The following TPRKB variants were observed in gnomAD, a reference collection of about 807,000 sequenced individuals.
TPRKB encodes EKC/KEOPS complex subunit TPRKB.
A neutral mutation model predicts 17.8 loss-of-function variants in TPRKB; 11 were observed. The observed-to-expected ratio is 0.62, with a 90% CI of 0.39 to 1.02. The LOEUF (loss-of-function observed/expected upper bound fraction) is 1.02, where lower values mean the gene tolerates loss of function less well. TPRKB is among the 50% of genes least tolerant of loss of function. The pLI, the probability that TPRKB is intolerant of heterozygous loss-of-function variation, is 0.00. For missense variants in TPRKB, 228 were observed against 198.0 expected (o/e 1.15, Z -0.91); for synonymous variants, 71 against 69.5 (o/e 1.02, Z -0.11).
chr2:73,730,566 G>T lies in TPRKB; in HGVS notation c.435C>A (p.Val145=). 2 of 1,578,244 alleles carry T rather than the reference G, an allele frequency of 1.3e-6. No homozygotes were observed. Among genetic ancestry groups the T allele is most frequent in the South Asian group, 2.4e-5 (2 of 83,750 alleles). The part of the protein sequence containing the change: ...NLPEIMNITE[V]KKIYKLSSQE... ...AAAATATGGACTGGCAAACCTTTTT[G>T]ACTTCTGTAATATTCATTATTTCAG... Residue 145 remains valine (V), a synonymous_variant, in exon 4 of 5, where the codon GTC becomes GTA. Transcript: ENST00000272424.
intron 2 of TPRKB, among the ~76,000 whole-genome samples, chr2:73,733,955 C>T (rs780163980): frequency 6.6e-6 from 1 of 150,656 alleles, no homozygotes; most frequent in Non-Finnish European, 1.5e-5. Flanking sequence ...GTACAGGTGC[C>T]CACCACCATG....
chr2:73,734,722 G>T, intron 1 of TPRKB, 131 bp from the exon 2 acceptor site: 2 of 806,962 alleles, frequency 2.5e-6, no homozygotes, highest in Non-Finnish European at 3.7e-6. Context: ...CATCGCCAAA[G>T]CCCATTTGGC....
intron 2 of TPRKB, 79 bp downstream of exon 2, chr2:73,734,350 C>T (rs1189372723): frequency 1.1e-5 from 16 of 1,439,568 alleles, no homozygotes; most frequent in Admixed American, 6.9e-5. Flanking sequence ...CCACCCGCCT[C>T]GGCCTCCTAA....
chr2:73,735,917 G>A (rs912536383), intron 1 of TPRKB, among the ~76,000 whole-genome samples: 6 of 152,108 alleles, frequency 3.9e-5, no homozygotes, highest in African/African-American at 1.2e-4. Flanking sequence ...AACCTATCTA[G>A]CTAATGATGG....
chr2:73,735,667 TG>T (rs1335217489), intron 1 of TPRKB, among the ~76,000 whole-genome samples: 1 of 152,200 alleles, frequency 6.6e-6, no homozygotes, highest in Non-Finnish European at 1.5e-5. Context: ...AAAGACAACT[TG>T]AATAACCAGA....
intron 2 of TPRKB, chr2:73,732,622 T>C (rs753640807): frequency 7.5e-5 from 15 of 199,718 alleles, no homozygotes; most frequent in Non-Finnish European, 1.6e-4. Context: ...GGCAGGACAA[T>C]TGCTTGAACC....
chr2:73,732,255 C>T lies in TPRKB; in HGVS notation c.172G>A (p.Ala58Thr), dbSNP rs377329798. ...TTGTAGAGGTGAACTGCTTTGTTTG[C>T]TGCCACAAGTATCTGAAATGGATCA... ...IVDPFQILVA[A>T]NKAVHLYKLG... Residue 58 changes from alanine to threonine, a missense_variant, in exon 3 of 5, where the codon GCA becomes ACA. Coordinates refer to ENST00000272424, the MANE Select transcript of TPRKB (RefSeq NM_016058.5). 11 of 1,613,744 alleles carry T rather than the reference C, an allele frequency of 6.8e-6. No individual in the cohort carries two copies. Among genetic ancestry groups the T allele is most frequent in the Non-Finnish European group, 9.3e-6 (11 of 1,179,914 alleles).
chr2:73,736,196 AATC>A (rs1671869104), intron 1 of TPRKB, among the ~76,000 whole-genome samples: 1 of 152,204 alleles, frequency 6.6e-6, no homozygotes, highest in Non-Finnish European at 1.5e-5. Context: ...CACACAGTTC[AATC>A]ATTAGTCATG....
chr2:73,732,022 A>C, intron 3 of TPRKB, 141 bp downstream of exon 3: 1 of 946,530 alleles, frequency 1.1e-6, no homozygotes, highest in Non-Finnish European at 1.6e-6. Flanking sequence ...TTAAACCTCA[A>C]CTCTCTGTCC....
In TPRKB at chr2:73,732,119, T is replaced by C. The variant is rs750029398; in HGVS notation, c.264+44A>G. 7 of 1,594,550 alleles carry C rather than the reference T, an allele frequency of 4.4e-6. No individual in the cohort carries two copies. The Admixed American group carries it at 1.0e-4, about 24-fold the overall frequency. ...CCAACCCAACACTGAGGAACACATA[T>C]GTTATTATGACACGGTCAACAGAAA... On this transcript the variant is annotated intron_variant, in intron 3 of 4. Transcript: ENST00000272424.
chr2:73,731,929 G>GT, intron 3 of TPRKB: 2 of 397,362 alleles, frequency 5.0e-6, no homozygotes, highest in South Asian at 5.1e-5. Context: ...ACCCTATATG[G>GT]TAAGAACAGA....
At chr2:73,734,874 G>A (rs770423967) in intron 1 of TPRKB, among the ~76,000 whole-genome samples, 1 of 152,220 alleles carries the variant, frequency 6.6e-6, no homozygotes, top group Non-Finnish European at 1.5e-5. Context: ...TTCCCCAGCA[G>A]ACAAGTAGGA....
Position 73,730,182 on chromosome 2 carries a change from A to G in TPRKB, c.442-153T>C, listed in dbSNP as rs938779683. The stretch of plus-strand genomic sequence containing the variant: ...AATGTGATTAAAATATTCAAAGTAG[A>G]GGGCAATTCATTACTTGTATCCCCT... On this transcript the variant is annotated intron_variant, in intron 4 of 4. Coordinates refer to ENST00000272424, the MANE Select transcript of TPRKB (RefSeq NM_016058.5). 5.3e-6 allele frequency: 5 copies of G among 934,586 alleles called. No homozygotes were observed. In the African/African-American group the frequency reaches 8.5e-5, roughly 16 times the overall value. 57.9% of individuals were successfully genotyped at this position (934,586 alleles called of 1,614,324 possible). A position where few individuals can be genotyped will look rare whatever the true frequency, so the allele number is the denominator to read the frequency against.
intron 1 of TPRKB, 111 bp from the exon 2 acceptor site, chr2:73,734,702 T>A: frequency 9.8e-7 from 1 of 1,023,838 alleles, no homozygotes; most frequent in Non-Finnish European, 1.4e-6. Flanking sequence ...AGTGTTAAAC[T>A]AGAAAAATCC....
chr2:73,730,888 C>A, intron 3 of TPRKB, 152 bp from the exon 4 acceptor site: 2 of 526,498 alleles, frequency 3.8e-6, no homozygotes, highest in Admixed American at 4.3e-5. Context: ...TTTAATGATT[C>A]CTTTCCAACA....
At chr2:73,734,643 A>G in intron 1 of TPRKB, 52 bp from the exon 2 acceptor site, 1 of 1,420,886 alleles carries the variant, frequency 7.0e-7, no homozygotes, top group Non-Finnish European at 9.5e-7. Flanking sequence ...TTAACATCAG[A>G]ACTCATTTCT....
chr2:73,734,086 G>C (rs1247865290), intron 2 of TPRKB, among the ~76,000 whole-genome samples: 3 of 149,704 alleles, frequency 2.0e-5, no homozygotes, highest in Non-Finnish European at 3.0e-5. Context: ...GATTACAGGC[G>C]TGAGCTACCA....
Position 73,730,560 on chromosome 2 carries a change from C to T in TPRKB, c.441G>A (p.Lys147=), listed in dbSNP as rs746608523. 1.9e-6 allele frequency: 3 copies of T among 1,577,264 alleles called. No individual in the cohort carries two copies. The highest frequency in any genetic ancestry group is 2.4e-5 in the South Asian group (2 of 83,678). ...TTTCTAAAAATATGGACTGGCAAAC[C>T]TTTTTGACTTCTGTAATATTCATTA... ...PEIMNITEVK[K]IYKLSSQEES... The change falls in exon 4 of 5, where the codon AAG becomes AAA. Residue 147 remains lysine (K), a splice_region_variant and synonymous_variant. Transcript: ENST00000272424.
chr2:73,735,836 G>A (rs954302322), intron 1 of TPRKB, among the ~76,000 whole-genome samples: 6 of 152,098 alleles, frequency 3.9e-5, no homozygotes, highest in African/African-American at 1.4e-4. Context: ...TCTTTCTGAT[G>A]GAAGTCATTA....
Sources: gnomAD v4.1 joint callset for allele counts (sites outside exome capture counted in the v4.1 genomes callset) on GRCh38, gnomAD v4.1.1 for gene constraint, MANE v1.5 for transcripts, NCBI Gene and HGNC (gene_info 2026-07-23, HGNC 2026-07-21) for gene names.